Variants in ADRA1A observed in about 807,000 individuals in gnomAD.
ADRA1A encodes adrenoceptor alpha 1A, also known as alpha-1A adrenergic receptor.
In ADRA1A, 31 loss-of-function variants were observed where a neutral mutation model predicts 29.6. That is an observed-to-expected ratio of 1.05 (90% CI 0.79 to 1.41). The LOEUF is 1.41. Ranked by LOEUF, ADRA1A falls within the 40% of genes most tolerant of loss-of-function variation. The probability of loss-of-function intolerance (pLI) is 0.00; values close to 1 mark genes in which losing one functional copy is unlikely to be tolerated. For synonymous variants in ADRA1A, 311 were observed against 254.3 expected (o/e 1.22, Z -2.12); for missense variants, 619 against 601.1 (o/e 1.03, Z -0.31).
At chr8:26,845,634 G>A (rs997784531) in intron 2 of ADRA1A, among the ~76,000 whole-genome samples, 6 of 152,150 alleles carry the variant, frequency 3.9e-5, no homozygotes, top group African/African-American at 1.2e-4. Context: ...CTTGTACATG[G>A]ATGTTCATAG....
chr8:26,821,771 A>C lies in ADRA1A; in HGVS notation c.883+42316T>G, dbSNP rs1412831329. On this transcript the variant is annotated intron_variant, in intron 2 of 2. Transcript: ENST00000380573. This position sits in a 1 kb window ranked among gnomAD's most constrained non-coding sequence, Gnocchi z 5.6. Reference sequence around the variant, plus strand: ...TCCCTTCTGCCCCACCCCGATCTTCACTCCTGGAAATCACTAATCTGTTCT... The same window carrying C: ...TCCCTTCTGCCCCACCCCGATCTTCCCTCCTGGAAATCACTAATCTGTTCT... Among the ~76,000 whole-genome samples, 2 of 152,032 alleles carry C rather than the reference A, an allele frequency of 1.3e-5. No individual in the cohort carries two copies. Among genetic ancestry groups the C allele is most frequent in the Non-Finnish European group, 1.5e-5 (1 of 67,994 alleles).
chr8:26,802,507 A>G (rs564211346), intron 2 of ADRA1A, among the ~76,000 whole-genome samples: 1 of 152,352 alleles, frequency 6.6e-6, no homozygotes, highest in South Asian at 2.1e-4. Context: ...GAGAAATGCA[A>G]ATCAAAACTA....
rs1170547009 is a variant in ADRA1A, at chr8:26,769,383, A to G, written c.*766T>C. The G allele has an allele frequency of 3.3e-5, 33 of 985,316 alleles. No individual in the cohort carries two copies. Among genetic ancestry groups the G allele is most frequent in the Non-Finnish European group, 3.9e-5 (32 of 829,942 alleles). The allele number at this position is 985,316 out of a possible 1,614,324, so 61.0% of individuals were successfully genotyped here. The stretch of plus-strand genomic sequence containing the variant: ...TAATGGATTTTCTCTCTAGTAGTTA[A>G]ATTGAAAGAATGATGCTCAGGTCTA... On this transcript the variant is annotated 3_prime_UTR_variant, in exon 3 of 3. Coordinates refer to ENST00000380573, the MANE Select transcript of ADRA1A (RefSeq NM_000680.4).
chr8:26,827,836 A>C (rs534877711), intron 2 of ADRA1A, among the ~76,000 whole-genome samples: 1 of 152,158 alleles, frequency 6.6e-6, no homozygotes, highest in African/African-American at 2.4e-5. Flanking sequence ...GGGTGGACAC[A>C]AACATTCAGA....
chr8:26,839,251 C>G (rs1245524045), intron 2 of ADRA1A, among the ~76,000 whole-genome samples: 1 of 151,390 alleles, frequency 6.6e-6, no homozygotes, highest in African/African-American at 2.4e-5. Context: ...CTCCGCCTCC[C>G]GGGTTCAAGT....
chr8:26,751,706 T>C (rs1358659167), downstream of ADRA1A, among the ~76,000 whole-genome samples: 1 of 152,268 alleles, frequency 6.6e-6, no homozygotes, highest in African/African-American at 2.4e-5. Context: ...TCTGTGCCAA[T>C]AGGCATCAGT....
chr8:26,758,277 G>A (rs1446665991), intron 2 of ADRA1A, among the ~76,000 whole-genome samples: 1 of 152,184 alleles, frequency 6.6e-6, no homozygotes. Context: ...AGGTGGGGAT[G>A]ACCAGCTCCT....
rs542292084 is a variant in ADRA1A, at chr8:26,796,781, A to G, written c.884-26115T>C. Among the ~76,000 whole-genome samples the G allele has an allele frequency of 5.3e-4, 80 of 152,242 alleles. No individual in the cohort carries two copies. The highest frequency in any genetic ancestry group is 1.0e-3 in the Non-Finnish European group (68 of 67,998). Reference sequence around the variant, plus strand: ...CCTGAAATCGGGCACAGGCACATAGATTTGATACCATGATTATCAGGCAGC... The same window carrying G: ...CCTGAAATCGGGCACAGGCACATAGGTTTGATACCATGATTATCAGGCAGC... On this transcript the variant is annotated intron_variant, in intron 2 of 2. Transcript: ENST00000380573. The surrounding 1 kb of genome is among the most constrained non-coding windows in gnomAD (Gnocchi z 5.0).
intron 2 of ADRA1A, chr8:26,757,223 CT>C: frequency 1.4e-6 from 1 of 694,686 alleles, no homozygotes; most frequent in Non-Finnish European, 2.6e-6. Flanking sequence ...GTTTGAGATT[CT>C]GAGTCACGAG....
chr8:26,867,303 A>G (rs567802274), upstream of ADRA1A: 114 of 985,394 alleles, frequency 1.2e-4, 2 homozygotes, highest in African/African-American at 1.8e-3. Flanking sequence ...CTAGTACCGT[A>G]ATCTCCTGCT....
At chr8:26,846,460 G>A (rs761285560) in intron 2 of ADRA1A, among the ~76,000 whole-genome samples, 4 of 152,138 alleles carry the variant, frequency 2.6e-5, no homozygotes, top group Non-Finnish European at 4.4e-5. Context: ...CACCCCAATT[G>A]TGACACTATG....
At chr8:26,854,416 A>AGGGGGGGGGGGGGGGGGGGGGG in intron 2 of ADRA1A, 1 of 18,718 alleles carries the variant, frequency 5.3e-5, no homozygotes, top group East Asian at 1.5e-3. Flanking sequence ...CTGAAGTTAA[A>AGGGGGGGGGGGGGGGGGGGGGG]GCGGGGCGGG....
At chr8:26,819,974 T>G (rs1279709989) in intron 2 of ADRA1A, among the ~76,000 whole-genome samples, 2 of 152,002 alleles carry the variant, frequency 1.3e-5, no homozygotes, top group African/African-American at 4.8e-5. Context: ...CCAGACAAAA[T>G]GGACTTGAAG....
At position 26,864,232 on chromosome 8, in the gene ADRA1A, G is replaced by C; in HGVS notation, c.738C>G (p.Ser246Arg). The change falls in exon 2 of 3, where the codon AGC becomes AGG. Residue 246 changes from serine (S) to arginine (R), a missense_variant. Physicochemically the swap from Ser to Arg is moderately radical, Grantham distance 110. Transcript: ENST00000380573. The surrounding 1 kb of genome is among the most constrained non-coding windows in gnomAD (Gnocchi z 8.1). ...IHRKNAPAGG[S>R]GMASAKTKTH... is the part of the protein sequence containing the mutation. The stretch of plus-strand genomic sequence containing the variant: ...TCTTGGTCTTGGCGCTGGCCATCCC[G>C]CTGCCTCCTGCCGGGGCGTTTTTCC... 6.2e-7 allele frequency: 1 copy of C among 1,614,190 alleles called. No homozygotes were observed. Among genetic ancestry groups the C allele is most frequent in the Non-Finnish European group, 8.5e-7 (1 of 1,180,038 alleles).
intron 2 of ADRA1A, among the ~76,000 whole-genome samples, chr8:26,799,509 C>A (rs4236680): frequency 0.59 from 89,628 of 152,144 alleles, 28,856 homozygotes; most frequent in East Asian, 0.9. Context: ...TACCCAGTGC[C>A]AGCACAGGGT....
Position 26,770,223 on chromosome 8 carries a change from G to C in ADRA1A, c.1327C>G (p.Leu443Val). The change falls in exon 3 of 3, where the codon CTT becomes GTT. Residue 443 changes from leucine (L) to valine (V), a missense_variant. Transcript: ENST00000380573. ...GTTGGAACTTGATGGTTCTTGTCAAGGCTGGGGGTTGAGGGCCCTACACAG... is the reference window on the plus strand; with the variant it reads ...GTTGGAACTTGATGGTTCTTGTCAACGCTGGGGGTTGAGGGCCCTACACAG... ...CCCVGPSTPS[L>V]DKNHQVPTIK... 1.2e-6 allele frequency: 2 copies of C among 1,609,244 alleles called. No individual in the cohort carries two copies. Among genetic ancestry groups the C allele is most frequent in the Non-Finnish European group, 1.7e-6 (2 of 1,177,002 alleles).
chr8:26,832,604 C>T (rs1274640830), intron 2 of ADRA1A, among the ~76,000 whole-genome samples: 1 of 151,842 alleles, frequency 6.6e-6, no homozygotes, highest in Non-Finnish European at 1.5e-5. Context: ...TTAGTCGCTC[C>T]CAACAAACAA....
chr8:26,762,068 A>G (rs1174572313), downstream of ADRA1A, among the ~76,000 whole-genome samples: 1 of 152,154 alleles, frequency 6.6e-6, no homozygotes, highest in South Asian at 2.1e-4. This position sits in a 1 kb window ranked among gnomAD's most constrained non-coding sequence, Gnocchi z 4.0. Flanking sequence ...GGGGAAAGTC[A>G]AAAAGAAAGG....
intron 2 of ADRA1A, among the ~76,000 whole-genome samples, chr8:26,750,105 A>T (rs1399532035): frequency 6.6e-6 from 1 of 152,172 alleles, no homozygotes; most frequent in African/African-American, 2.4e-5. Context: ...CAGATTTGGT[A>T]TCTGGTAAAG....
Sources: gnomAD v4.1 joint callset for allele counts (sites outside exome capture counted in the v4.1 genomes callset) on GRCh38, gnomAD v4.1.1 for gene constraint, Gnocchi (gnomAD v3.1) non-coding constraint, MANE v1.5 for transcripts, NCBI Gene and HGNC (gene_info 2026-07-23, HGNC 2026-07-21) for gene names.